The following GPATCH2 variants were observed in gnomAD, a reference collection of about 807,000 sequenced individuals.
GPATCH2 encodes the protein G-patch domain containing 2, also known as G patch domain-containing protein 2.
Under a neutral mutation model 58.0 loss-of-function variants are expected in GPATCH2, and 51 were observed. That is an observed-to-expected ratio of 0.88 (90% CI 0.70 to 1.11). The LOEUF (loss-of-function observed/expected upper bound fraction) is 1.11, where lower values mean the gene tolerates loss of function less well. Among genes scored for constraint, GPATCH2 ranks in the 50% most tolerant of loss-of-function variants. The pLI is 0.00. For missense variants in GPATCH2, 625 were observed against 652.2 expected, an observed-to-expected ratio of 0.96 and a Z score of 0.45; for synonymous variants, 222 against 218.5, an observed-to-expected ratio of 1.02 and a Z score of -0.14.
intron 6 of GPATCH2, among the ~76,000 whole-genome samples, chr1:217,509,814 T>A (rs1662756385): frequency 1.3e-5 from 2 of 152,130 alleles, no homozygotes; most frequent in South Asian, 2.1e-4. Flanking sequence ...TCTTGGTCCA[T>A]TAATGGGAAT....
At chr1:217,599,465 T>A (rs1437599312) in intron 5 of GPATCH2, among the ~76,000 whole-genome samples, 1 of 152,192 alleles carries the variant, frequency 6.6e-6, no homozygotes, top group African/African-American at 2.4e-5. Context: ...CTTGTCTAGA[T>A]GTGGCAAGAG....
rs1659257387 is a variant in GPATCH2, at chr1:217,443,793, TG to T, written c.1366+5455del. 2.6e-5 allele frequency among the ~76,000 whole-genome samples: 4 copies of T among 152,344 alleles called. No homozygotes were observed. The South Asian group carries it at 8.3e-4, about 32-fold the overall frequency. Reference sequence around the variant, plus strand: ...AGTGTCTTTTCAGCTGTATCTAATCTGTCATATAACCCATTCAGTGATTTGC... The same window carrying T: ...AGTGTCTTTTCAGCTGTATCTAATCTTCATATAACCCATTCAGTGATTTGC... On this transcript the variant is annotated intron_variant, in intron 9 of 9. Coordinates refer to ENST00000366935, the MANE Select transcript of GPATCH2 (RefSeq NM_018040.5).
intron 7 of GPATCH2, 165 bp downstream of exon 7, chr1:217,498,191 G>T: frequency 1.3e-6 from 1 of 742,080 alleles, no homozygotes; most frequent in Non-Finnish European, 2.5e-6. Flanking sequence ...TAAGGATCAC[G>T]CATTTATTTG....
At chr1:217,511,477 C>T (rs1190591977) in intron 6 of GPATCH2, among the ~76,000 whole-genome samples, 2 of 152,160 alleles carry the variant, frequency 1.3e-5, no homozygotes, top group Non-Finnish European at 2.9e-5. Context: ...GGTATGAACA[C>T]CTTAGTTTTT....
At position 217,523,826 on chromosome 1, in the gene GPATCH2, GAC is replaced by G. The variant is rs544888632; in HGVS notation, c.1099-8939_1099-8938del. On this transcript the variant is annotated intron_variant, in intron 5 of 9. Coordinates refer to ENST00000366935, the MANE Select transcript of GPATCH2 (RefSeq NM_018040.5). ...GGCTGACCCCCCCACCTCCCTCCTGGACGGGGTGGCTGGCCGGGCGGGGGGCT... is the reference window on the plus strand; with the variant it reads ...GGCTGACCCCCCCACCTCCCTCCTGGGGGGTGGCTGGCCGGGCGGGGGGCT... Among the ~76,000 whole-genome samples, 135 of 148,764 alleles carry G rather than the reference GAC, an allele frequency of 9.1e-4. 1 individual carries two copies. Among genetic ancestry groups the G allele is most frequent in the Middle Eastern group, 3.6e-3 (1 of 278 alleles).
At chr1:217,491,859 C>T (rs1000380256) in intron 7 of GPATCH2, 109 bp from the exon 8 acceptor site, 9 of 373,102 alleles carry the variant, frequency 2.4e-5, no homozygotes, top group African/African-American at 7.2e-5. Flanking sequence ...TTTATTTGCA[C>T]GGCTTTTTTT....
intron 5 of GPATCH2, among the ~76,000 whole-genome samples, chr1:217,522,642 A>C (rs1663525706): frequency 6.6e-6 from 1 of 152,370 alleles, no homozygotes; most frequent in East Asian, 1.9e-4. Flanking sequence ...AAATGTATAT[A>C]AGATGGTGTA....
intron 5 of GPATCH2, among the ~76,000 whole-genome samples, chr1:217,538,583 A>G (rs974758222): frequency 6.6e-6 from 1 of 152,184 alleles, no homozygotes; most frequent in Non-Finnish European, 1.5e-5. Flanking sequence ...TCAAGGGTCT[A>G]CTGTAATCGT....
At chr1:217,470,683 A>G (rs915650418) in intron 8 of GPATCH2, among the ~76,000 whole-genome samples, 2 of 152,172 alleles carry the variant, frequency 1.3e-5, no homozygotes, top group South Asian at 2.1e-4. Context: ...GTTTTATACA[A>G]TACAATAATT....
At chr1:217,561,005 G>A (rs151076413) in intron 5 of GPATCH2, among the ~76,000 whole-genome samples, 1 of 152,168 alleles carries the variant, frequency 6.6e-6, no homozygotes, top group African/African-American at 2.4e-5. Context: ...ATTTGAAAAG[G>A]TAAGGGAATA....
chr1:217,603,567 A>T (rs1430352360), intron 5 of GPATCH2, among the ~76,000 whole-genome samples: 1 of 152,168 alleles, frequency 6.6e-6, no homozygotes, highest in African/African-American at 2.4e-5. Flanking sequence ...AATTTTTATG[A>T]TATCGAATCT....
chr1:217,474,685 T>G (rs1404972610), intron 8 of GPATCH2, among the ~76,000 whole-genome samples: 1 of 152,168 alleles, frequency 6.6e-6, no homozygotes, highest in Non-Finnish European at 1.5e-5. Context: ...CACTTCAAAG[T>G]CTTGGCTTTG....
chr1:217,470,669 T>C (rs1192303801), intron 8 of GPATCH2, among the ~76,000 whole-genome samples: 3 of 152,154 alleles, frequency 2.0e-5, no homozygotes, highest in African/African-American at 7.2e-5. Flanking sequence ...GTGAGAATAG[T>C]GTAGTTTTAT....
At chr1:217,577,318 CA>C (rs1666852921) in intron 5 of GPATCH2, among the ~76,000 whole-genome samples, 1 of 152,152 alleles carries the variant, frequency 6.6e-6, no homozygotes, top group African/African-American at 2.4e-5. Flanking sequence ...TGAGAGGTGG[CA>C]GTATACTGTA....
intron 5 of GPATCH2, among the ~76,000 whole-genome samples, chr1:217,523,882 C>T (rs1343889956): frequency 5.3e-4 from 67 of 125,756 alleles, no homozygotes; most frequent in African/African-American, 1.8e-3. Flanking sequence ...CCGGATGGGG[C>T]GGCTGGCCGG....
intron 5 of GPATCH2, among the ~76,000 whole-genome samples, chr1:217,564,016 C>T (rs1334128174): frequency 2.2e-5 from 3 of 137,308 alleles, no homozygotes; most frequent in African/African-American, 8.3e-5. Context: ...TGCACTCCAG[C>T]CTGCGCAACA....
intron 5 of GPATCH2, among the ~76,000 whole-genome samples, chr1:217,582,812 A>G (rs1571959801): frequency 6.6e-6 from 1 of 152,340 alleles, no homozygotes; most frequent in East Asian, 1.9e-4. Flanking sequence ...CTTATATATC[A>G]GTGCCTTATG....
At chr1:217,509,110 C>T (rs1047101936) in intron 6 of GPATCH2, among the ~76,000 whole-genome samples, 3 of 152,162 alleles carry the variant, frequency 2.0e-5, no homozygotes, top group East Asian at 1.9e-4. Flanking sequence ...GATGAGAAGG[C>T]GGGTGGATCA....
intron 5 of GPATCH2, among the ~76,000 whole-genome samples, chr1:217,596,988 C>T (rs1489555264): frequency 6.6e-6 from 1 of 152,044 alleles, no homozygotes; most frequent in African/African-American, 2.4e-5. Flanking sequence ...TAAAAAGGTA[C>T]AACTCCACAA....
Sources: allele counts gnomAD v4.1 joint callset (sites outside exome capture counted in the v4.1 genomes callset), GRCh38; gene constraint gnomAD v4.1.1; transcripts MANE v1.5; gene names NCBI Gene and HGNC (gene_info 2026-07-23, HGNC 2026-07-21).